The following XKR6 variants were observed in gnomAD, a reference collection of about 807,000 sequenced individuals.
XKR6 encodes XK related 6.
Under a neutral mutation model 56.7 loss-of-function variants are expected in XKR6, and 22 were observed. That is an observed-to-expected ratio of 0.39 (90% CI 0.28 to 0.55). The LOEUF is 0.55. Ranked by LOEUF, XKR6 falls within the 20% of genes least tolerant of loss-of-function variation. The pLI is 0.66. For synonymous variants in XKR6, 524 were observed against 387.8 expected (o/e 1.35, Z -4.13); for missense variants, 852 against 889.0 (o/e 0.96, Z 0.53).
At chr8:10,995,625 C>T (rs1419403913) in intron 1 of XKR6, among the ~76,000 whole-genome samples, 2 of 148,612 alleles carry the variant, frequency 1.3e-5, no homozygotes, top group East Asian at 3.9e-4. Context: ...GAGGTTGAGG[C>T]TGCAGTAAAC....
chr8:10,982,136 T>A (rs1428533755), intron 1 of XKR6, among the ~76,000 whole-genome samples: 2 of 152,244 alleles, frequency 1.3e-5, no homozygotes, highest in African/African-American at 4.8e-5. Context: ...ACTCAACCCT[T>A]GTCTGATGAC....
rs1804222140 is a variant in XKR6, at chr8:11,201,297, C to G, written c.43G>C (p.Ala15Pro). Residue 15 changes from alanine (A) to proline (P), a missense_variant, in exon 1 of 3, where the codon GCT (alanine) becomes CCT (proline). This residue lies in a region of XKR6 where 417 missense variants were observed against 355.2 expected (regional missense o/e 1.17). Coordinates refer to ENST00000416569, the MANE Select transcript of XKR6 (RefSeq NM_173683.4). ...SDGGGVGVGF[A>P]QLHNLDEAVG... The stretch of plus-strand genomic sequence containing the variant: ...GCCTCGTCCAGGTTGTGCAGCTGAG[C>G]GAAGCCCACCCCCACGCCACCGCCA... 1 of 1,574,068 alleles carries G rather than the reference C, an allele frequency of 6.4e-7. No individual in the cohort carries two copies. The highest frequency in any genetic ancestry group is 8.6e-7 in the Non-Finnish European group (1 of 1,168,992).
chr8:11,033,558 G>A (rs564921358), intron 1 of XKR6, among the ~76,000 whole-genome samples: 7 of 152,156 alleles, frequency 4.6e-5, no homozygotes, highest in African/African-American at 1.7e-4. Flanking sequence ...CGATGACAAT[G>A]ATGATTATGG....
intron 1 of XKR6, among the ~76,000 whole-genome samples, chr8:11,092,791 TAATC>T (rs1057503848): frequency 2.0e-5 from 3 of 152,184 alleles, no homozygotes; most frequent in Non-Finnish European, 4.4e-5. Context: ...TGGTCTGCAA[TAATC>T]AATAAATAGG....
intron 1 of XKR6, among the ~76,000 whole-genome samples, chr8:11,186,990 CA>C (rs1295740724): frequency 3.9e-5 from 6 of 152,288 alleles, no homozygotes; most frequent in African/African-American, 1.2e-4. Context: ...ACCATGAAAA[CA>C]GATTGTTTAG....
chr8:10,964,742 C>T (rs1802166239), intron 1 of XKR6, among the ~76,000 whole-genome samples: 1 of 152,210 alleles, frequency 6.6e-6, no homozygotes, highest in Non-Finnish European at 1.5e-5. Flanking sequence ...GCCCCTCATC[C>T]CTTGATTTCC....
chr8:10,935,443 T>C (rs1178803507), intron 1 of XKR6, among the ~76,000 whole-genome samples: 7 of 106,832 alleles, frequency 6.6e-5, no homozygotes, highest in Admixed American at 5.7e-4. Context: ...TTCTGCTAGC[T>C]TTTGAATGTG....
intron 1 of XKR6, among the ~76,000 whole-genome samples, chr8:11,067,775 G>A (rs1800018885): frequency 6.6e-6 from 1 of 152,210 alleles, no homozygotes; most frequent in Non-Finnish European, 1.5e-5. Flanking sequence ...AGGAGTCTCT[G>A]CCACTTCCAA....
At chr8:11,023,819 C>T (rs1284502379) in intron 1 of XKR6, among the ~76,000 whole-genome samples, 1 of 152,238 alleles carries the variant, frequency 6.6e-6, no homozygotes, top group African/African-American at 2.4e-5. Context: ...CTCCTGAACC[C>T]TGTGCCTCTC....
In XKR6 at chr8:11,008,837, C is replaced by T. The variant is rs139711133; in HGVS notation, c.765-84007G>A. ...ATGCCATTGGTTGCAGGCCCCCCCG[C>T]CCAAGGAGCATGAGGCCCTGCAACC... On this transcript the variant is annotated intron_variant, in intron 1 of 2. Transcript: ENST00000416569. Among the ~76,000 whole-genome samples, 14 of 152,222 alleles carry T rather than the reference C, an allele frequency of 9.2e-5. No individual in the cohort carries two copies. The East Asian group carries it at 2.7e-3, about 30-fold the overall frequency.
intron 1 of XKR6, among the ~76,000 whole-genome samples, chr8:10,946,524 C>T (rs1432805476): frequency 2.0e-5 from 3 of 152,032 alleles, no homozygotes; most frequent in Non-Finnish European, 4.4e-5. Context: ...TCATCCACCC[C>T]TCCCACCCCT....
intron 1 of XKR6, among the ~76,000 whole-genome samples, chr8:11,086,910 C>T (rs1797910773): frequency 6.6e-6 from 1 of 152,244 alleles, no homozygotes; most frequent in Non-Finnish European, 1.5e-5. Context: ...CCGGCCAGTC[C>T]TGTCCCGCAG....
chr8:11,064,540 A>G (rs551460681), intron 1 of XKR6, among the ~76,000 whole-genome samples: 1 of 152,334 alleles, frequency 6.6e-6, no homozygotes, highest in East Asian at 1.9e-4. Context: ...ATTGTCACTG[A>G]CTTGTTCTCA....
At chr8:11,144,223 AGTGTGTGTGTGT>A (rs35351104) in intron 1 of XKR6, among the ~76,000 whole-genome samples, 2 of 136,420 alleles carry the variant, frequency 1.5e-5, no homozygotes, top group Non-Finnish European at 3.1e-5. Context: ...TTAAATAAAA[AGTGTGTGTGTGT>A]GTGTGTGTGT....
chr8:11,124,920 TATTA>T (rs376963534), intron 1 of XKR6: 9,292 of 146,454 alleles, frequency 0.063, 327 homozygotes, highest in South Asian at 0.096. Context: ...CCGTCACTAC[TATTA>T]AAAAAAAAAA....
chr8:11,182,949 T>C (rs913598893), intron 1 of XKR6, among the ~76,000 whole-genome samples: 5 of 152,240 alleles, frequency 3.3e-5, no homozygotes, highest in African/African-American at 7.2e-5. Flanking sequence ...GGCCCTTTTG[T>C]AAGTGGAATC....
intron 1 of XKR6, among the ~76,000 whole-genome samples, chr8:10,975,750 G>C (rs1347885160): frequency 1.3e-5 from 2 of 152,194 alleles, no homozygotes; most frequent in Admixed American, 6.5e-5. Flanking sequence ...TGACCGCAAG[G>C]CCGAGTCACA....
rs925023188 is a variant in XKR6, at chr8:10,952,072, G to A, written c.765-27242C>T. Among the ~76,000 whole-genome samples the A allele has an allele frequency of 2.0e-5, 3 of 152,264 alleles. No homozygotes were observed. The East Asian group carries it at 5.8e-4, about 29-fold the overall frequency. On this transcript the variant is annotated intron_variant, in intron 1 of 2. Transcript: ENST00000416569. ...GCTATAAAGGGCACATGCAGCACAG[G>A]TCCACGGCATGACCTCCTGCAGCCC...
chr8:11,045,855 G>C (rs1184861480), intron 1 of XKR6, among the ~76,000 whole-genome samples: 5 of 152,190 alleles, frequency 3.3e-5, no homozygotes, highest in Admixed American at 1.3e-4. Context: ...TCACTTGTAA[G>C]TTAAAAAATA....
Sources: allele counts gnomAD v4.1 joint callset (sites outside exome capture counted in the v4.1 genomes callset), GRCh38; gene constraint gnomAD v4.1.1; regional missense constraint gnomAD v4.1.1; transcripts MANE v1.5; gene names NCBI Gene and HGNC (gene_info 2026-07-23, HGNC 2026-07-21).